CLSTN2: variants seen among roughly 807,000 people sequenced by gnomAD.
CLSTN2 encodes calsyntenin 2.
A neutral mutation model predicts 101.2 loss-of-function variants in CLSTN2; 48 were observed. The observed-to-expected ratio is 0.47, with a 90% CI of 0.38 to 0.60. CLSTN2 has a LOEUF of 0.60. CLSTN2 is among the 20% of genes least tolerant of loss of function. CLSTN2 has a pLI of 0.00. For missense variants in CLSTN2, 1,160 were observed against 1,238.2 expected (o/e 0.94, Z 0.95); for synonymous variants, 481 against 463.6 (o/e 1.04, Z -0.48).
chr3:140,413,639 A>G (rs1348534482), intron 4 of CLSTN2, among the ~76,000 whole-genome samples: 1 of 152,192 alleles, frequency 6.6e-6, no homozygotes, highest in Non-Finnish European at 1.5e-5. Flanking sequence ...GCATAGATGC[A>G]AAAATAGTCC....
At chr3:139,979,223 G>A (rs919909883) in intron 1 of CLSTN2, among the ~76,000 whole-genome samples, 1 of 152,088 alleles carries the variant, frequency 6.6e-6, no homozygotes, top group Admixed American at 6.5e-5. Context: ...TTCCACACTG[G>A]CACCCCTGCA....
chr3:140,566,344 C>A lies in CLSTN2; in HGVS notation c.*91C>A. On this transcript the variant is annotated 3_prime_UTR_variant, in exon 17 of 17. Transcript: ENST00000458420. ...GTCTATCATACCTCACCTCTGATGTCTGTGACATGTCTGGGAAGGCCTTCT... is the reference window on the plus strand; with the variant it reads ...GTCTATCATACCTCACCTCTGATGTATGTGACATGTCTGGGAAGGCCTTCT... 1 of 1,297,908 alleles carries A rather than the reference C, an allele frequency of 7.7e-7. No individual in the cohort carries two copies. The highest frequency in any genetic ancestry group is 1.3e-5 in the South Asian group (1 of 74,690). The allele number at this position is 1,297,908 out of a possible 1,614,324, so 80.4% of individuals were successfully genotyped here. A position where few individuals can be genotyped will look rare whatever the true frequency, so the allele number is the denominator to read the frequency against.
intron 2 of CLSTN2, among the ~76,000 whole-genome samples, chr3:140,232,849 CCT>C (rs1395836956): frequency 6.6e-6 from 1 of 152,066 alleles, no homozygotes; most frequent in Non-Finnish European, 1.5e-5. Flanking sequence ...TATACTACCC[CCT>C]CTCTCTGACC....
At chr3:140,053,132 G>C (rs1299571674) in intron 1 of CLSTN2, among the ~76,000 whole-genome samples, 1 of 152,128 alleles carries the variant, frequency 6.6e-6, no homozygotes, top group South Asian at 2.1e-4. Context: ...CTGAACACAA[G>C]CATCCTCCTG....
intron 1 of CLSTN2, among the ~76,000 whole-genome samples, chr3:140,134,854 AAT>A (rs1695474293): frequency 6.6e-6 from 1 of 151,878 alleles, no homozygotes; most frequent in Non-Finnish European, 1.5e-5. Flanking sequence ...AGAGCTTCAA[AAT>A]ACATGCAACT....
At chr3:140,284,199 A>G (rs1166054759) in intron 2 of CLSTN2, among the ~76,000 whole-genome samples, 1 of 152,232 alleles carries the variant, frequency 6.6e-6, no homozygotes, top group East Asian at 1.9e-4. Context: ...GTAGGATTTT[A>G]TCAAAATAAG....
chr3:140,099,769 C>T (rs2008934159), intron 1 of CLSTN2, among the ~76,000 whole-genome samples: 1 of 152,164 alleles, frequency 6.6e-6, no homozygotes, highest in African/African-American at 2.4e-5. Flanking sequence ...GCTGGTACAG[C>T]AGATAAAATC....
chr3:140,003,262 C>T (rs551834490), intron 1 of CLSTN2, among the ~76,000 whole-genome samples: 11 of 151,870 alleles, frequency 7.2e-5, no homozygotes, highest in Non-Finnish European at 1.5e-4. Context: ...TTATATAAAC[C>T]TTTTACTTCT....
At chr3:140,126,925 T>C (rs562297825) in intron 1 of CLSTN2, among the ~76,000 whole-genome samples, 35 of 152,200 alleles carry the variant, frequency 2.3e-4, no homozygotes, top group African/African-American at 8.0e-4. Context: ...TTGCAAGTAC[T>C]GTGTTCCTGA....
chr3:140,143,272 C>A (rs538653990), intron 1 of CLSTN2, among the ~76,000 whole-genome samples: 9 of 152,262 alleles, frequency 5.9e-5, no homozygotes, highest in African/African-American at 2.2e-4. Context: ...TCCGCAATCT[C>A]ACAACATGCC....
intron 6 of CLSTN2, among the ~76,000 whole-genome samples, chr3:140,457,782 T>A (rs1933441545): frequency 6.6e-6 from 1 of 152,196 alleles, no homozygotes; most frequent in Non-Finnish European, 1.5e-5. Flanking sequence ...GCCTACTATG[T>A]GTCAGGTGCA....
At chr3:140,448,209 C>CTGTGTG (rs55857773) in intron 5 of CLSTN2, among the ~76,000 whole-genome samples, 1,673 of 148,382 alleles carry the variant, frequency 0.011, 13 homozygotes, top group Non-Finnish European at 0.018. Flanking sequence ...GAGGGTGTGA[C>CTGTGTG]TGTGTGTGTG....
rs1332758480 is a variant in CLSTN2, at chr3:140,435,881, T to A, written c.788-12638T>A. On this transcript the variant is annotated intron_variant, in intron 5 of 16. Coordinates refer to ENST00000458420, the MANE Select transcript of CLSTN2 (RefSeq NM_022131.3). ...TTTGTAGGTCTTCTTTTAAGAAATG[T>A]CTATTCAAATATTTTGCCTATCCTT... 2.0e-5 allele frequency among the ~76,000 whole-genome samples: 3 copies of A among 152,342 alleles called. 1 individual carries two copies. The South Asian group carries it at 6.2e-4, about 32-fold the overall frequency.
chr3:140,403,647 A>G lies in CLSTN2; in HGVS notation c.251A>G (p.Lys84Arg). Reference protein sequence around the residue: ...VPFAGEICAFKIHGQELPFEA... With the variant: ...VPFAGEICAFRIHGQELPFEA... ...TCTGCAGGGGAAATCTGTGCGTTCA[A>G]GATCCATGGCCAGGAGCTGCCCTTT... Residue 84 changes from lysine to arginine, a missense_variant, in exon 3 of 17, where the codon AAG becomes AGG. By Grantham distance (26) the Lys-to-Arg change is conservative (BLOSUM62 2). Transcript: ENST00000458420. 3 of 1,612,604 alleles carry G rather than the reference A, an allele frequency of 1.9e-6. No homozygotes were observed. Among genetic ancestry groups the G allele is most frequent in the South Asian group, 1.1e-5 (1 of 90,768 alleles).
intron 2 of CLSTN2, among the ~76,000 whole-genome samples, chr3:140,375,270 C>T (rs556611844): frequency 3.3e-5 from 5 of 152,174 alleles, no homozygotes; most frequent in African/African-American, 1.2e-4. Flanking sequence ...GACACACATT[C>T]AAAGGGAGTT....
intron 1 of CLSTN2, among the ~76,000 whole-genome samples, chr3:140,143,310 T>C (rs2009731189): frequency 6.6e-6 from 1 of 152,162 alleles, no homozygotes; most frequent in Non-Finnish European, 1.5e-5. Context: ...CCAGGAAAGC[T>C]AGTGGTATAA....
chr3:139,997,372 G>A (rs992820322), intron 1 of CLSTN2, among the ~76,000 whole-genome samples: 1 of 152,134 alleles, frequency 6.6e-6, no homozygotes, highest in Non-Finnish European at 1.5e-5. Context: ...ACAGAAGGTT[G>A]ATTTTGTGAA....
At chr3:140,311,163 A>G (rs1559835654) in intron 2 of CLSTN2, among the ~76,000 whole-genome samples, 1 of 152,094 alleles carries the variant, frequency 6.6e-6, no homozygotes, top group Non-Finnish European at 1.5e-5. Context: ...TCAGGCTAAT[A>G]TCACCAGATT....
intron 2 of CLSTN2, among the ~76,000 whole-genome samples, chr3:140,343,674 C>T (rs961844961): frequency 5.9e-5 from 9 of 152,170 alleles, no homozygotes; most frequent in African/African-American, 2.2e-4. Flanking sequence ...AAGTTCCAGA[C>T]AAAATATTAT....
Sources: allele counts gnomAD v4.1 joint callset (sites outside exome capture counted in the v4.1 genomes callset), GRCh38; gene constraint gnomAD v4.1.1; transcripts MANE v1.5; gene names NCBI Gene and HGNC (gene_info 2026-07-23, HGNC 2026-07-21).